Variants in KNL1 observed in about 807,000 individuals in gnomAD.
The protein encoded by KNL1 is kinetochore scaffold 1, also known as outer kinetochore KNL1 complex subunit KNL1.
In KNL1, 66 loss-of-function variants were observed where a neutral mutation model predicts 201.3. The ratio of observed to expected loss-of-function variants is 0.33; its 90% CI spans 0.27 to 0.40. The LOEUF (loss-of-function observed/expected upper bound fraction) is 0.40. KNL1 is among the 10% of genes least tolerant of loss of function. The probability of loss-of-function intolerance (pLI) is 1.00; values close to 1 mark genes in which losing one functional copy is unlikely to be tolerated. For synonymous variants in KNL1, 895 were observed against 899.2 expected, an observed-to-expected ratio of 1.00 and a Z score of 0.08; for missense variants, 2,815 against 2,690.5, an observed-to-expected ratio of 1.05 and a Z score of -1.02.
At position 40,657,097 on chromosome 15, in the gene KNL1, T is replaced by C. The variant is rs1893757645; in HGVS notation, c.6540T>C (p.Val2180=). Residue 2180 remains valine, a synonymous_variant, in exon 23 of 26, where the codon GTT becomes GTC. Coordinates refer to ENST00000399668, the MANE Select transcript of KNL1 (RefSeq NM_144508.5). The stretch of plus-strand genomic sequence containing the variant: ...TTCATAAGCTTATTTTCCAGTACGT[T>C]GAAGAAAAGGAATCCTGGAAGAAGA... The part of the protein sequence containing the change: ...LLVHKLIFQY[V]EEKESWKKTC... The C allele has an allele frequency of 1.2e-6, 2 of 1,610,738 alleles. No individual in the cohort carries two copies. The highest frequency in any genetic ancestry group is 2.2e-5 in the South Asian group (2 of 90,306).
At position 40,623,066 on chromosome 15, in the gene KNL1, A is replaced by G. The variant is rs779449407; in HGVS notation, c.2802A>G (p.Ile934Met). 20 of 1,613,870 alleles carry G rather than the reference A, an allele frequency of 1.2e-5. No individual in the cohort carries two copies. Among genetic ancestry groups the G allele is most frequent in the Admixed American group, 3.3e-5 (2 of 59,990 alleles). The stretch of plus-strand genomic sequence containing the variant: ...GTAAAACTGTCTCACCAGATGAAAT[A>G]ACTACTAGGCCTATGGACAAAACTG... ...LECKTVSPDE[I>M]TTRPMDKTVV... is the part of the protein sequence containing the mutation. The change falls in exon 10 of 26, where the codon ATA becomes ATG. Residue 934 changes from isoleucine (I) to methionine (M), a missense_variant. By Grantham distance (10) the Ile-to-Met change is conservative (BLOSUM62 1). Transcript: ENST00000399668.
In KNL1 at chr15:40,649,607, T is replaced by A. The variant is rs1248559950; in HGVS notation, c.6095-694T>A. On this transcript the variant is annotated intron_variant, in intron 17 of 25. Coordinates refer to ENST00000399668, the MANE Select transcript of KNL1 (RefSeq NM_144508.5). ...ACTACGCCTGCCTTTTTCTTTTATT[T>A]AAAAAAAAAAAAAGAGAGGCAGAGT... Among the ~76,000 whole-genome samples, 13 of 136,912 alleles carry A rather than the reference T, an allele frequency of 9.5e-5. No homozygotes were observed. The South Asian group carries it at 1.4e-3, about 15-fold the overall frequency. The allele number at this position is 136,912 out of a possible 152,430, so 89.8% of individuals were successfully genotyped here.
In KNL1 at chr15:40,652,068, C is replaced by T. The variant is rs147897737; in HGVS notation, c.6378C>T (p.Asp2126=). The T allele has an allele frequency of 6.4e-5, 103 of 1,613,582 alleles. No individual in the cohort carries two copies. In the African/African-American group the frequency reaches 1.2e-3, roughly 18 times the overall value. The part of the protein sequence containing the change: ...DDQAVFTFVY[D]TIQLTITFEE... ...AAGCTGTATTCACCTTTGTTTATGA[C>T]ACGATACAACTCACCATCACCTTTG... The change falls in exon 21 of 26, where the codon GAC becomes GAT. Residue 2126 remains aspartate, a synonymous_variant. Coordinates refer to ENST00000399668, the MANE Select transcript of KNL1 (RefSeq NM_144508.5).
chr15:40,640,970 G>T lies in KNL1; in HGVS notation c.5741G>T (p.Arg1914Leu). ...EDLMLSQYVY[R>L]PKIQIYREDC... ...CTGATGTTAAGTCAATATGTTTACC[G>T]ACCCAAGATACAGATTTATAGAGAA... Residue 1914 changes from arginine to leucine, a missense_variant, in exon 14 of 26, where the codon CGA becomes CTA. Around this residue, in one of 3 missense-constraint regions of KNL1, gnomAD observed 2,464 missense variants for 2,291.7 expected, o/e 1.08. Coordinates refer to ENST00000399668, the MANE Select transcript of KNL1 (RefSeq NM_144508.5). 6.2e-7 allele frequency: 1 copy of T among 1,613,308 alleles called. No homozygotes were observed. Among genetic ancestry groups the T allele is most frequent in the South Asian group, 1.1e-5 (1 of 90,972 alleles).
chr15:40,642,682 C>T (rs1232082797), intron 14 of KNL1, among the ~76,000 whole-genome samples: 1 of 152,130 alleles, frequency 6.6e-6, no homozygotes, highest in African/African-American at 2.4e-5. Context: ...GGCTGGAGTG[C>T]AGTAGCGCCA....
intron 24 of KNL1, 60 bp from the exon 25 acceptor site, chr15:40,659,277 AAG>A: frequency 3.3e-6 from 5 of 1,507,366 alleles, no homozygotes; most frequent in Admixed American, 1.9e-5. Flanking sequence ...AAAAAAAAAA[AAG>A]AAATTGTGTT....
At chr15:40,639,911 C>CA (rs1893172573) in intron 13 of KNL1, among the ~76,000 whole-genome samples, 1 of 151,630 alleles carries the variant, frequency 6.6e-6, no homozygotes, top group Admixed American at 6.6e-5. Context: ...CCCATCTCTA[C>CA]AAAAAATTTT....
chr15:40,658,594 AAAT>A (rs1239335127), intron 24 of KNL1, among the ~76,000 whole-genome samples: 1 of 150,742 alleles, frequency 6.6e-6, no homozygotes, highest in African/African-American at 2.4e-5. Flanking sequence ...GAAAGAAAAG[AAAT>A]AATATATACC....
At chr15:40,602,821 C>G (rs1891851585) in intron 1 of KNL1, 94 bp from the exon 2 acceptor site, 1 of 689,086 alleles carries the variant, frequency 1.5e-6, no homozygotes, top group Admixed American at 2.7e-5. Flanking sequence ...CAGAAAGTAA[C>G]CCTGAAGTCA....
intron 9 of KNL1, among the ~76,000 whole-genome samples, chr15:40,620,008 C>G (rs1203050524): frequency 6.6e-6 from 1 of 151,784 alleles, no homozygotes; most frequent in Non-Finnish European, 1.5e-5. Context: ...TAGCCTATGA[C>G]AGCTCAAACT....
intron 13 of KNL1, among the ~76,000 whole-genome samples, chr15:40,631,536 A>G (rs1892911426): frequency 6.6e-6 from 1 of 152,028 alleles, no homozygotes; most frequent in African/African-American, 2.4e-5. Flanking sequence ...ACTGGTCTTG[A>G]GCTCCTGGGC....
intron 13 of KNL1, among the ~76,000 whole-genome samples, chr15:40,634,775 G>GA (rs1247006172): frequency 6.6e-6 from 1 of 152,118 alleles, no homozygotes; most frequent in Admixed American, 6.5e-5. Flanking sequence ...TAGGAACAGG[G>GA]AGGATATTGG....
rs1415487506 is a variant in KNL1 at position 40,657,349 on chromosome 15, T to C, written c.6595-6T>C. On this transcript the variant is annotated splice_region_variant and splice_polypyrimidine_tract_variant and intron_variant, in intron 23 of 25. Transcript: ENST00000399668. The stretch of plus-strand genomic sequence containing the variant: ...TTCACTGGATTTTTTTTCCCACTTT[T>C]TCTAGATGCTTGAAGAATTCTCACT... 1.3e-6 allele frequency: 2 copies of C among 1,545,200 alleles called. No homozygotes were observed. The highest frequency in any genetic ancestry group is 1.8e-6 in the Non-Finnish European group (2 of 1,119,836).
At chr15:40,597,577 G>A (rs1426590584) in intron 1 of KNL1, among the ~76,000 whole-genome samples, 5 of 151,918 alleles carry the variant, frequency 3.3e-5, no homozygotes, top group East Asian at 1.9e-4. Context: ...ACCAGGCCCC[G>A]GGAACCAGTA....
intron 22 of KNL1, among the ~76,000 whole-genome samples, chr15:40,656,102 T>A (rs1012242567): frequency 6.6e-6 from 1 of 151,990 alleles, no homozygotes; most frequent in African/African-American, 2.4e-5. Flanking sequence ...ATCAAAAAAC[T>A]TAAGTATTGT....
intron 22 of KNL1, 31 bp from the exon 23 acceptor site, chr15:40,657,011 C>T (rs769558431): frequency 1.9e-6 from 2 of 1,075,766 alleles, no homozygotes; most frequent in South Asian, 1.5e-5. Context: ...TAAGTAATAA[C>T]CTGCTTTTGC....
At chr15:40,599,591 C>G (rs1891726192) in intron 1 of KNL1, among the ~76,000 whole-genome samples, 1 of 151,678 alleles carries the variant, frequency 6.6e-6, no homozygotes, top group African/African-American at 2.4e-5. Context: ...GCCGTGTTGT[C>G]CAGGCCCCTT....
intron 1 of KNL1, among the ~76,000 whole-genome samples, chr15:40,596,874 C>G (rs1398807473): frequency 6.6e-6 from 1 of 151,804 alleles, no homozygotes; most frequent in African/African-American, 2.4e-5. Flanking sequence ...GTGGCGCATG[C>G]CTGTAATCCC....
chr15:40,640,908 C>T lies in KNL1; in HGVS notation c.5683-4C>T. The T allele has an allele frequency of 6.4e-7, 1 of 1,574,258 alleles. No individual in the cohort carries two copies. Among genetic ancestry groups the T allele is most frequent in the Non-Finnish European group, 8.7e-7 (1 of 1,152,388 alleles). ...GTTCTCAGGGACTGAATTTTTTTTT[C>T]CAGTTTACTGTAAACACACCACCTA... On this transcript the variant is annotated splice_polypyrimidine_tract_variant and splice_region_variant and intron_variant, in intron 13 of 25. Transcript: ENST00000399668.
Sources: gnomAD v4.1 joint callset for allele counts (sites outside exome capture counted in the v4.1 genomes callset) on GRCh38, gnomAD v4.1.1 for gene constraint, gnomAD v4.1.1 regional missense constraint, MANE v1.5 for transcripts, NCBI Gene and HGNC (gene_info 2026-07-23, HGNC 2026-07-21) for gene names.